SGSH: variants seen among roughly 807,000 people sequenced by gnomAD.
SGSH encodes N-sulfoglucosamine sulfohydrolase, also known as heparan sulfate sulfatase.
In SGSH, 48 loss-of-function variants were observed where a neutral mutation model predicts 51.0. The observed-to-expected ratio is 0.94, with a 90% CI of 0.75 to 1.20. The LOEUF is 1.20. Among genes scored for constraint, SGSH ranks in the 50% most tolerant of loss-of-function variants. The pLI, the probability that SGSH is intolerant of heterozygous loss-of-function variation, is 0.00. For missense variants in SGSH, 662 were observed against 717.8 expected (o/e 0.92, Z 0.89); for synonymous variants, 321 against 313.4 (o/e 1.02, Z -0.26).
rs779661554 is a variant in SGSH, at chr17:80,210,816, C to A, written c.1145G>T (p.Arg382Leu). 6.2e-7 allele frequency: 1 copy of A among 1,613,958 alleles called. No homozygotes were observed. The highest frequency in any genetic ancestry group is 1.1e-5 in the South Asian group (1 of 91,076). ...MSYPMRSVQH[R>L]HFRLVHNLNF... The stretch of plus-strand genomic sequence containing the variant: ...GAGGTTGTGCACGAGGCGGAAGTGC[C>A]GGTGCTGCACGGAGCGCATGGGGTA... Residue 382 changes from arginine (R) to leucine (L), a missense_variant, in exon 8 of 8, where the codon CGG (arginine) becomes CTG (leucine). Transcript: ENST00000326317.
downstream of SGSH, chr17:80,208,203 G>A (rs1319044674): frequency 5.1e-6 from 8 of 1,555,332 alleles, no homozygotes; most frequent in Non-Finnish European, 6.1e-6. Flanking sequence ...CAGGAGGAGG[G>A]AGACCTGGAC....
chr17:80,216,560 G>A (rs1377121010), intron 2 of SGSH, among the ~76,000 whole-genome samples: 1 of 152,200 alleles, frequency 6.6e-6, no homozygotes, highest in Non-Finnish European at 1.5e-5. Context: ...GCTAAGATGG[G>A]AATGTTGATG....
At chr17:80,211,806 G>C (rs889081070) in intron 7 of SGSH, 3 of 541,874 alleles carry the variant, frequency 5.5e-6, no homozygotes, top group Non-Finnish European at 1.0e-5. Flanking sequence ...GGAGGTAGGC[G>C]GGGAAAAGGC....
downstream of SGSH, chr17:80,208,183 G>A (rs78569961): frequency 2.7e-3 from 4,261 of 1,550,800 alleles, 88 homozygotes; most frequent in African/African-American, 0.05. Context: ...AGCTCCTGGA[G>A]GCTGCGAGGC....
rs778602791 is a variant in SGSH, at chr17:80,210,717, G to C, written c.1244C>G (p.Thr415Ser). ...SPTFQDLLNR[T>S]TAGQPTGWYK... ...CCAGCCCGTGGGCTGACCAGCTGTGGTGCGGTTCAGGAGGTCCTGGAAGGT... is the reference window on the plus strand; with the variant it reads ...CCAGCCCGTGGGCTGACCAGCTGTGCTGCGGTTCAGGAGGTCCTGGAAGGT... Residue 415 changes from threonine (T) to serine (S), a missense_variant, in exon 8 of 8, where the codon ACC becomes AGC. Transcript: ENST00000326317. The C allele has an allele frequency of 9.3e-6, 15 of 1,613,990 alleles. No individual in the cohort carries two copies. Among genetic ancestry groups the C allele is most frequent in the Admixed American group, 1.7e-5 (1 of 60,002 alleles).
At chr17:80,219,066 A>G (rs1400935018) in intron 1 of SGSH, among the ~76,000 whole-genome samples, 1 of 139,104 alleles carries the variant, frequency 7.2e-6, no homozygotes, top group African/African-American at 2.7e-5. Context: ...AGGCTGAGGC[A>G]GGAGGATCGC....
At chr17:80,214,793 G>A (rs754032868) in intron 3 of SGSH, 28 bp from the exon 4 acceptor site, 2 of 1,606,112 alleles carry the variant, frequency 1.2e-6, no homozygotes, top group South Asian at 2.2e-5. Context: ...CCTGGCCAGA[G>A]TCCCTTCAGC....
downstream of SGSH, among the ~76,000 whole-genome samples, chr17:80,206,323 G>A (rs1178636875): frequency 1.4e-5 from 1 of 73,186 alleles, no homozygotes; most frequent in Non-Finnish European, 3.7e-5. Context: ...AATAAAAAGA[G>A]AAGAAAGTAG....
downstream of SGSH, chr17:80,202,994 A>G (rs779777424): frequency 3.2e-5 from 5 of 154,504 alleles, no homozygotes; most frequent in Non-Finnish European, 7.2e-5. Flanking sequence ...TAGGCCGAGC[A>G]TGGTGGCTCA....
In SGSH at chr17:80,210,831, C is replaced by A. The variant is rs746037899; in HGVS notation, c.1130G>T (p.Arg377Leu). 2 of 1,613,958 alleles carry A rather than the reference C, an allele frequency of 1.2e-6. No individual in the cohort carries two copies. Among genetic ancestry groups the A allele is most frequent in the Non-Finnish European group, 1.7e-6 (2 of 1,180,018 alleles). ...HHEVTMSYPM[R>L]SVQHRHFRLV... is the part of the protein sequence containing the mutation. ...GCGGAAGTGCCGGTGCTGCACGGAG[C>A]GCATGGGGTAGGACATGGTGACCTC... The change falls in exon 8 of 8, where the codon CGC becomes CTC. Residue 377 changes from arginine (R) to leucine (L), a missense_variant. Arg to Leu is a moderately radical substitution (Grantham distance 102, BLOSUM62 -2). Transcript: ENST00000326317.
downstream of SGSH, chr17:80,202,766 C>A: frequency 2.8e-6 from 1 of 363,368 alleles, no homozygotes; most frequent in South Asian, 4.6e-5. Context: ...CCGCCCTACC[C>A]AGGATGCCGG....
In SGSH at chr17:80,210,000, C is replaced by T. The variant is rs886053556; in HGVS notation, c.*452G>A. 8 of 1,039,972 alleles carry T rather than the reference C, an allele frequency of 7.7e-6. No homozygotes were observed. The East Asian group carries it at 2.4e-4, about 31-fold the overall frequency. 64.4% of individuals were successfully genotyped at this position (1,039,972 alleles called of 1,614,324 possible). On this transcript the variant is annotated 3_prime_UTR_variant, in exon 8 of 8. Transcript: ENST00000326317. ...GACCTGCGTACTGCCCACGCGGCACCGAAGCCCCTGCCTGCTCTCTGTGAA... is the reference window on the plus strand; with the variant it reads ...GACCTGCGTACTGCCCACGCGGCACTGAAGCCCCTGCCTGCTCTCTGTGAA...
intron 7 of SGSH, 181 bp downstream of exon 7, chr17:80,211,890 C>T: frequency 1.5e-6 from 1 of 650,236 alleles, no homozygotes; most frequent in Non-Finnish European, 2.8e-6. Context: ...TCCTGAGCAG[C>T]TTACTTCACC....
At chr17:80,205,770 C>T (rs898550317), downstream of SGSH, 25 of 1,120,726 alleles carry the variant, frequency 2.2e-5, no homozygotes, top group Admixed American at 6.1e-5. Context: ...ACCTTGTCGC[C>T]GACCTCTGGG....
Position 80,213,724 on chromosome 17 carries a change from C to G in SGSH, c.745+80G>C. On this transcript the variant is annotated intron_variant, in intron 6 of 7. Coordinates refer to ENST00000326317, the MANE Select transcript of SGSH (RefSeq NM_000199.5). The surrounding 1 kb of genome is among the most constrained non-coding windows in gnomAD (Gnocchi z 4.6). ...ACTGGGACCCTCACCCACATTATGC[C>G]GTGACCTAAGAGGGCGCTGGCCCAG... is the stretch of plus-strand genomic sequence containing the variant. 8.1e-7 allele frequency: 1 copy of G among 1,234,814 alleles called. No homozygotes were observed. Among genetic ancestry groups the G allele is most frequent in the Non-Finnish European group, 1.1e-6 (1 of 870,858 alleles). The allele number at this position is 1,234,814 out of a possible 1,614,324, so 76.5% of individuals were successfully genotyped here. A position where few individuals can be genotyped will look rare whatever the true frequency, so the allele number is the denominator to read the frequency against.
chr17:80,205,945 C>T (rs1235578272), downstream of SGSH: 5 of 269,680 alleles, frequency 1.9e-5, no homozygotes, highest in South Asian at 8.9e-5. Context: ...ACACTCTCCA[C>T]GTTTGAAGGC....
At chr17:80,204,477 G>C (rs1461329864), downstream of SGSH, 1 of 828,014 alleles carries the variant, frequency 1.2e-6, no homozygotes, top group Non-Finnish European at 1.8e-6. Flanking sequence ...AGAATCATGG[G>C]GCTGGGTGTG....
At chr17:80,201,546 T>C in the SGSH span, 1 of 603,980 alleles carries the variant, frequency 1.7e-6, no homozygotes, top group Non-Finnish European at 2.9e-6. The surrounding 1 kb of genome is among the most constrained non-coding windows in gnomAD (Gnocchi z 5.0). Context: ...GCCAGCACTA[T>C]GTGTAGCACG....
downstream of SGSH, chr17:80,208,120 C>A: frequency 4.0e-6 from 6 of 1,502,478 alleles, no homozygotes; most frequent in South Asian, 1.3e-5. Flanking sequence ...CCGCCCCCCC[C>A]AACTCTGGCC....
Sources: allele counts gnomAD v4.1 joint callset (sites outside exome capture counted in the v4.1 genomes callset), GRCh38; gene constraint gnomAD v4.1.1; non-coding constraint Gnocchi (gnomAD v3.1); transcripts MANE v1.5; gene names NCBI Gene and HGNC (gene_info 2026-07-23, HGNC 2026-07-21).